Variants in KIF1B observed in about 807,000 individuals in gnomAD.
The protein encoded by KIF1B is kinesin-like protein KIF1B.
In KIF1B, 76 loss-of-function variants were observed where a neutral mutation model predicts 241.9. The observed-to-expected ratio is 0.31, with a 90% CI of 0.26 to 0.38. KIF1B has a LOEUF of 0.38. Ranked by LOEUF, KIF1B falls within the 10% of genes least tolerant of loss-of-function variation. The pLI, the probability that KIF1B is intolerant of heterozygous loss-of-function variation, is 1.00. For missense variants in KIF1B, 1,622 were observed against 2,271.4 expected, an observed-to-expected ratio of 0.71 and a Z score of 5.81; for synonymous variants, 750 against 796.7, an observed-to-expected ratio of 0.94 and a Z score of 0.99.
intron 27 of KIF1B, among the ~76,000 whole-genome samples, chr1:10,333,032 G>A (rs1442696132): frequency 3.4e-5 from 5 of 146,392 alleles, no homozygotes; most frequent in African/African-American, 5.1e-5. Flanking sequence ...GGCTGGTCTC[G>A]AACTCCTGGC....
chr1:10,258,276 G>T (rs895331759), intron 3 of KIF1B, among the ~76,000 whole-genome samples: 11 of 152,078 alleles, frequency 7.2e-5, no homozygotes, highest in African/African-American at 2.7e-4. Context: ...TGGCTGACCT[G>T]GATGACTCTA....
intron 43 of KIF1B, among the ~76,000 whole-genome samples, chr1:10,368,133 A>G (rs988800000): frequency 1.3e-5 from 2 of 152,046 alleles, no homozygotes; most frequent in Non-Finnish European, 2.9e-5. Flanking sequence ...CTTACTATAT[A>G]CTTAGTTCTA....
chr1:10,306,058 T>C, intron 22 of KIF1B: 1 of 1,046,496 alleles, frequency 9.6e-7, no homozygotes, highest in Non-Finnish European at 1.2e-6. Context: ...GTGTGGGCAC[T>C]ATGCTTTATT....
chr1:10,324,117 G>A (rs1651629794), intron 25 of KIF1B, 55 bp downstream of exon 25: 6 of 1,309,370 alleles, frequency 4.6e-6, no homozygotes, highest in South Asian at 2.4e-5. Context: ...ACAATGACCT[G>A]CTCAAGTGAG....
intron 5 of KIF1B, among the ~76,000 whole-genome samples, chr1:10,266,829 G>A (rs1648488464): frequency 6.6e-6 from 1 of 152,160 alleles, no homozygotes; most frequent in Non-Finnish European, 1.5e-5. Context: ...TACAGAGAAA[G>A]TCTGAAGGCT....
chr1:10,340,490 T>A (rs1231656359), intron 32 of KIF1B, among the ~76,000 whole-genome samples: 1 of 152,230 alleles, frequency 6.6e-6, no homozygotes, highest in Non-Finnish European at 1.5e-5. Context: ...AATCTTTACC[T>A]TTATACCATA....
At chr1:10,322,398 C>CA (rs1375420648) in intron 24 of KIF1B, among the ~76,000 whole-genome samples, 6 of 152,148 alleles carry the variant, frequency 3.9e-5, no homozygotes, top group African/African-American at 1.4e-4. Flanking sequence ...CAGTACCTGG[C>CA]ACCAAGGGAT....
At chr1:10,263,268 C>T (rs985712931) in intron 5 of KIF1B, among the ~76,000 whole-genome samples, 8 of 148,820 alleles carry the variant, frequency 5.4e-5, no homozygotes, top group African/African-American at 2.0e-4. Flanking sequence ...TGGAGTCTGT[C>T]TCAAAAAAAA....
At chr1:10,250,861 TTA>T (rs1647400578) in intron 2 of KIF1B, among the ~76,000 whole-genome samples, 1 of 151,544 alleles carries the variant, frequency 6.6e-6, no homozygotes, top group Non-Finnish European at 1.5e-5. Context: ...ATAGAAGCAG[TTA>T]TTCTAAAAGC....
intron 1 of KIF1B, among the ~76,000 whole-genome samples, chr1:10,212,584 C>T (rs1646706688): frequency 6.6e-6 from 1 of 152,036 alleles, no homozygotes; most frequent in Admixed American, 6.6e-5. Context: ...TCAGGTTGAA[C>T]TATGTAAAAA....
At chr1:10,250,187 CAG>C (rs1171287239) in intron 2 of KIF1B, among the ~76,000 whole-genome samples, 2 of 151,992 alleles carry the variant, frequency 1.3e-5, no homozygotes, top group African/African-American at 2.4e-5. Flanking sequence ...GAGTTTAAAA[CAG>C]GGTAAAATAC....
At position 10,221,838 on chromosome 1, in the gene KIF1B, C is replaced by T. The variant is rs529784333; in HGVS notation, c.-79-10412C>T. On this transcript the variant is annotated intron_variant, in intron 1 of 48. Transcript: ENST00000676179. ...TATTGAATTAATTAATTAATTTAGACAGTGTCTTGCTCTGTCGCCCAGGTT... is the reference window on the plus strand; with the variant it reads ...TATTGAATTAATTAATTAATTTAGATAGTGTCTTGCTCTGTCGCCCAGGTT... Among the ~76,000 whole-genome samples, 3 of 152,080 alleles carry T rather than the reference C, an allele frequency of 2.0e-5. No homozygotes were observed. The East Asian group carries it at 5.8e-4, about 29-fold the overall frequency.
intron 22 of KIF1B, among the ~76,000 whole-genome samples, chr1:10,316,968 A>G (rs1453102842): frequency 6.6e-6 from 1 of 150,716 alleles, no homozygotes; most frequent in Non-Finnish European, 1.5e-5. Flanking sequence ...GTGGCTATTC[A>G]CAGGCCTGAT....
rs776370957 is a variant in KIF1B at position 10,361,825 on chromosome 1, C to T, written c.4304C>T (p.Ser1435Leu). The part of the protein sequence containing the change: ...FGSGYSKSPD[S>L]NRVTGIYELS... ...AGCGGCTACTCAAAGTCACCAGATT[C>T]GTAAGTTTTTCACACAAGTTAGCTT... is the stretch of plus-strand genomic sequence containing the variant. The change falls in exon 40 of 49, where the codon TCG (serine) becomes TTG (leucine). Residue 1435 changes from serine (S) to leucine (L), a missense_variant and splice_region_variant. By Grantham distance (145) the Ser-to-Leu change is moderately radical. This residue lies in a region of KIF1B where 803 missense variants were observed against 1,112.0 expected (regional missense o/e 0.72). Transcript: ENST00000676179. 1.1e-5 allele frequency: 17 copies of T among 1,613,614 alleles called. No individual in the cohort carries two copies. Among genetic ancestry groups the T allele is most frequent in the East Asian group, 6.7e-5 (3 of 44,898 alleles).
Position 10,326,480 on chromosome 1 carries a change from A to G in KIF1B, c.2924+121A>G, listed in dbSNP as rs1451590970. 15 of 1,285,100 alleles carry G rather than the reference A, an allele frequency of 1.2e-5. No homozygotes were observed. In the Admixed American group the frequency reaches 1.2e-4, roughly 10 times the overall value. 79.6% of individuals were successfully genotyped at this position (1,285,100 alleles called of 1,614,324 possible). ...ATTCAACTCATGAATGCTCTTTTTCAAGTTCTCCAATACTTCAAGCTCTTA... is the reference window on the plus strand; with the variant it reads ...ATTCAACTCATGAATGCTCTTTTTCGAGTTCTCCAATACTTCAAGCTCTTA... On this transcript the variant is annotated intron_variant, in intron 27 of 48. Transcript: ENST00000676179. The surrounding 1 kb of genome is among the most constrained non-coding windows in gnomAD (Gnocchi z 5.2).
chr1:10,309,064 G>A (rs563952553), intron 22 of KIF1B, among the ~76,000 whole-genome samples: 2 of 152,274 alleles, frequency 1.3e-5, no homozygotes, highest in East Asian at 3.9e-4. Context: ...TTCACCCAGA[G>A]TATTGATGGT....
chr1:10,299,148 G>A (rs1044760469), intron 22 of KIF1B: 12 of 151,256 alleles, frequency 7.9e-5, no homozygotes, highest in South Asian at 2.1e-4. Context: ...AACTAAGCAC[G>A]GCAGAATAAG....
intron 38 of KIF1B, 141 bp from the exon 39 acceptor site, chr1:10,360,788 C>G: frequency 1.4e-6 from 1 of 715,598 alleles, no homozygotes; most frequent in Non-Finnish European, 2.6e-6. Flanking sequence ...ATAAGGGTTC[C>G]TCTCTGTTAT....
chr1:10,267,610 C>CG (rs769886901), intron 6 of KIF1B, 52 bp downstream of exon 6: 1 of 1,577,738 alleles, frequency 6.3e-7, no homozygotes, highest in East Asian at 2.2e-5. Context: ...TTTTGAGGTC[C>CG]TTTTTTCCCA....
Sources: gnomAD v4.1 joint callset for allele counts (sites outside exome capture counted in the v4.1 genomes callset) on GRCh38, gnomAD v4.1.1 for gene constraint, gnomAD v4.1.1 regional missense constraint, Gnocchi (gnomAD v3.1) non-coding constraint, MANE v1.5 for transcripts, NCBI Gene and HGNC (gene_info 2026-07-23, HGNC 2026-07-21) for gene names.